The following BRI3 variants were observed in gnomAD, a reference collection of about 807,000 sequenced individuals.
The protein encoded by BRI3 is membrane protein BRI3.
A neutral mutation model predicts 12.8 loss-of-function variants in BRI3; 6 were observed. The ratio of observed to expected loss-of-function variants is 0.47; its 90% CI spans 0.26 to 0.93. The LOEUF (loss-of-function observed/expected upper bound fraction) is 0.93, where lower values mean the gene tolerates loss of function less well. Among genes scored for constraint, BRI3 ranks in the 40% least tolerant of loss-of-function variants. BRI3 has a pLI of 0.15. For synonymous variants in BRI3, 91 were observed against 76.1 expected, an observed-to-expected ratio of 1.20 and a Z score of -1.02; for missense variants, 134 against 171.1, an observed-to-expected ratio of 0.78 and a Z score of 1.21.
downstream of BRI3, chr7:98,293,090 G>A: frequency 1.8e-6 from 1 of 553,966 alleles, no homozygotes. Flanking sequence ...AAACTTACGT[G>A]ATATCTTCTT....
At chr7:98,315,034 T>G (rs1801022351), downstream of BRI3, among the ~76,000 whole-genome samples, 1 of 152,222 alleles carries the variant, frequency 6.6e-6, no homozygotes, top group African/African-American at 2.4e-5. Context: ...AAACACAGTT[T>G]CTCTGGAATC....
chr7:98,321,163 T>C, the BRI3 span, among the ~76,000 whole-genome samples: 2 of 152,128 alleles, frequency 1.3e-5, no homozygotes, highest in Admixed American at 6.6e-5. Flanking sequence ...CTGGCCCACG[T>C]GGCCCTTTCT....
chr7:98,285,832 G>T (rs1799694080), intron 2 of BRI3, among the ~76,000 whole-genome samples: 1 of 152,212 alleles, frequency 6.6e-6, no homozygotes, highest in Non-Finnish European at 1.5e-5. Flanking sequence ...GACAGCCAGA[G>T]CCTGGCTGGA....
upstream of BRI3, among the ~76,000 whole-genome samples, chr7:98,303,599 C>T (rs1800514353): frequency 6.6e-6 from 1 of 152,198 alleles, no homozygotes; most frequent in African/African-American, 2.4e-5. Flanking sequence ...CCTTGTTCTC[C>T]TCTAGCTGGA....
chr7:98,322,693 G>A, the BRI3 span, among the ~76,000 whole-genome samples: 1 of 152,090 alleles, frequency 6.6e-6, no homozygotes, highest in Non-Finnish European at 1.5e-5. Flanking sequence ...CACCACGTGG[G>A]CTTTCGAGGA....
chr7:98,295,806 C>A (rs1229596904), downstream of BRI3, among the ~76,000 whole-genome samples: 1 of 152,162 alleles, frequency 6.6e-6, no homozygotes, highest in Non-Finnish European at 1.5e-5. Flanking sequence ...TGGGCCCCCA[C>A]GGGACTTTAA....
At chr7:98,290,295 A>G (rs1436887431) in intron 2 of BRI3, among the ~76,000 whole-genome samples, 4 of 146,130 alleles carry the variant, frequency 2.7e-5, no homozygotes, top group African/African-American at 5.1e-5. Context: ...TCCTGGGTTC[A>G]CGCCATTCTC....
chr7:98,322,883 C>G, the BRI3 span: 1 of 152,234 alleles, frequency 6.6e-6, no homozygotes, highest in African/African-American at 2.4e-5. Context: ...AACCAGCTTC[C>G]GAGCTGTACT....
At chr7:98,282,512 C>A in intron 2 of BRI3, 59 bp downstream of exon 2, 1 of 1,382,302 alleles carries the variant, frequency 7.2e-7, no homozygotes, top group East Asian at 2.3e-5. Context: ...CCCGCCCTAA[C>A]CCCCAGGACC....
At chr7:98,313,796 T>A (rs577022436), downstream of BRI3, among the ~76,000 whole-genome samples, 8 of 149,952 alleles carry the variant, frequency 5.3e-5, no homozygotes, top group East Asian at 1.6e-3. Context: ...TTAAAACTTT[T>A]TTTTTTTTTT....
chr7:98,281,875 C>T lies in BRI3; in HGVS notation c.80C>T (p.Pro27Leu), dbSNP rs967626090. 25 of 1,309,618 alleles carry T rather than the reference C, an allele frequency of 1.9e-5. No individual in the cohort carries two copies. The highest frequency in any genetic ancestry group is 3.1e-5 in the East Asian group (1 of 31,812). 81.1% of individuals were successfully genotyped at this position (1,309,618 alleles called of 1,614,324 possible). The change falls in exon 1 of 3, where the codon CCG becomes CTG. Residue 27 changes from proline (P) to leucine (L), a missense_variant. By Grantham distance (98) the Pro-to-Leu change is moderately conservative. Coordinates refer to ENST00000297290, the MANE Select transcript of BRI3 (RefSeq NM_015379.5). ...GGCCAGGGCGACTACGCGTGCGGCCCGCACGGCTACGGCGCCATCCCCGCC... is the reference window on the plus strand; with the variant it reads ...GGCCAGGGCGACTACGCGTGCGGCCTGCACGGCTACGGCGCCATCCCCGCC... ...EAGQGDYACGPHGYGAIPAAP... is the reference protein window; with the variant it reads ...EAGQGDYACGLHGYGAIPAAP...
At chr7:98,308,617 A>G (rs1800753759) in exon 2 of BRI3, 1 of 236,848 alleles carries the variant, frequency 4.2e-6, no homozygotes, top group Non-Finnish European at 8.6e-6. Flanking sequence ...TCATGTCTCC[A>G]TTCAAACACA....
chr7:98,281,916 C>T lies in BRI3; in HGVS notation c.121C>T (p.Pro41Ser). The change falls in exon 1 of 3, where the codon CCC (proline) becomes TCC (serine). Residue 41 changes from proline to serine, a missense_variant. Physicochemically the swap from Pro to Ser is moderately conservative, Grantham distance 74. Coordinates refer to ENST00000297290, the MANE Select transcript of BRI3 (RefSeq NM_015379.5). Reference protein sequence around the residue: ...GAIPAAPPPPPYPYLVTGIPT... With the variant: ...GAIPAAPPPPSYPYLVTGIPT... Reference sequence around the variant, plus strand: ...CATCCCCGCCGCGCCCCCGCCGCCGCCCTACCCCTACCTCGTCACAGGTGG... The same window carrying T: ...CATCCCCGCCGCGCCCCCGCCGCCGTCCTACCCCTACCTCGTCACAGGTGG... The T allele has an allele frequency of 7.6e-7, 1 of 1,307,502 alleles. No individual in the cohort carries two copies. The highest frequency in any genetic ancestry group is 2.1e-5 in the South Asian group (1 of 47,054). 81.0% of individuals were successfully genotyped at this position (1,307,502 alleles called of 1,614,324 possible). A position where few individuals can be genotyped will look rare whatever the true frequency, so the allele number is the denominator to read the frequency against.
exon 2 of BRI3, chr7:98,307,946 T>C (rs6465666): frequency 0.45 from 700,744 of 1,565,512 alleles, 165,944 homozygotes; most frequent in Middle Eastern, 0.53. Context: ...TGAGAATCAA[T>C]AGGCACATTC....
exon 2 of BRI3, chr7:98,308,092 G>A (rs574352276): frequency 2.7e-5 from 19 of 698,008 alleles, no homozygotes; most frequent in African/African-American, 1.4e-4. Context: ...CAGAGGCAGC[G>A]TGCAGCCTGA....
chr7:98,289,011 A>G (rs911621560), intron 2 of BRI3, among the ~76,000 whole-genome samples: 16 of 152,072 alleles, frequency 1.1e-4, no homozygotes, highest in Middle Eastern at 3.4e-3. Context: ...CCCAGGCTAG[A>G]GTGCAGTGGC....
chr7:98,287,037 C>T (rs1195979743), intron 2 of BRI3, among the ~76,000 whole-genome samples: 2 of 152,196 alleles, frequency 1.3e-5, no homozygotes, highest in African/African-American at 4.8e-5. Flanking sequence ...AGCCCTCGGG[C>T]CTTCGAAGCC....
intron 2 of BRI3, among the ~76,000 whole-genome samples, chr7:98,290,886 CTA>C (rs1799914124): frequency 6.6e-6 from 1 of 152,268 alleles, no homozygotes; most frequent in Admixed American, 6.5e-5. Flanking sequence ...GATTAAATAA[CTA>C]TGGCCATTCC....
At chr7:98,307,989 C>T in exon 2 of BRI3, 1 of 1,222,580 alleles carries the variant, frequency 8.2e-7, no homozygotes, top group East Asian at 2.3e-5. Flanking sequence ...CACCTGTTCT[C>T]ATCTTGCCAA....
Sources: allele counts gnomAD v4.1 joint callset (sites outside exome capture counted in the v4.1 genomes callset), GRCh38; gene constraint gnomAD v4.1.1; transcripts MANE v1.5; gene names NCBI Gene and HGNC (gene_info 2026-07-23, HGNC 2026-07-21).